The following ZNF85 variants were observed in gnomAD, a reference collection of about 807,000 sequenced individuals.
ZNF85 encodes the protein zinc finger protein 85 (HPF4, HTF1).
ZNF85 carries 50 observed loss-of-function variants against 53.9 expected under a neutral mutation model. The observed-to-expected ratio is 0.93, with a 90% CI of 0.74 to 1.17. The LOEUF (loss-of-function observed/expected upper bound fraction) is 1.17, where lower values mean the gene tolerates loss of function less well. Among genes scored for constraint, ZNF85 ranks in the 50% most tolerant of loss-of-function variants. The pLI, the probability that ZNF85 is intolerant of heterozygous loss-of-function variation, is 0.00. For missense variants in ZNF85, 747 were observed against 688.5 expected, an observed-to-expected ratio of 1.08 and a Z score of -0.95; for synonymous variants, 225 against 226.1, an observed-to-expected ratio of 1.00 and a Z score of 0.04.
chr19:20,942,599 A>G (rs1973323116), intron 3 of ZNF85, among the ~76,000 whole-genome samples: 1 of 152,168 alleles, frequency 6.6e-6, no homozygotes, highest in South Asian at 2.1e-4. Flanking sequence ...TGTAGTTTGT[A>G]TTGACATCTT....
At chr19:20,935,501 A>G (rs1272131151) in intron 3 of ZNF85, among the ~76,000 whole-genome samples, 1 of 152,090 alleles carries the variant, frequency 6.6e-6, no homozygotes, top group Non-Finnish European at 1.5e-5. Flanking sequence ...TCCTGTTTGT[A>G]TTACTACATT....
Position 20,938,850 on chromosome 19 carries a change from ATGTGTG to A in ZNF85, c.229+3825_229+3830del, listed in dbSNP as rs145473574. 2.6e-3 allele frequency among the ~76,000 whole-genome samples: 361 copies of A among 141,088 alleles called. 2 individuals are homozygous for A. The highest frequency in any genetic ancestry group is 8.7e-3 in the African/African-American group (340 of 39,092). 92.6% of individuals were successfully genotyped at this position (141,088 alleles called of 152,430 possible). ...AGAGGCTCTAACCATATTCTGCTATATGTGTGTGTGTGTGTGTGTGTGTGTGTATAT... is the reference window on the plus strand; with the variant it reads ...AGAGGCTCTAACCATATTCTGCTATATGTGTGTGTGTGTGTGTGTGTATAT... On this transcript the variant is annotated intron_variant, in intron 3 of 3. Transcript: ENST00000328178.
chr19:20,923,283 G>A lies in ZNF85; in HGVS notation c.-118G>A. 2.6e-6 allele frequency: 4 copies of A among 1,524,938 alleles called. No individual in the cohort carries two copies. Among genetic ancestry groups the A allele is most frequent in the Non-Finnish European group, 3.6e-6 (4 of 1,104,522 alleles). 94.5% of individuals were successfully genotyped at this position (1,524,938 alleles called of 1,614,324 possible). ...TCTCTCGCTGCAGCCTGAGCTCTAG[G>A]TCTTGTTTTCCCTGCTTTGTGTTTT... On this transcript the variant is annotated 5_prime_UTR_variant, in exon 1 of 4. Transcript: ENST00000328178.
chr19:20,942,245 C>T (rs1041463322), intron 3 of ZNF85, among the ~76,000 whole-genome samples: 3 of 150,336 alleles, frequency 2.0e-5, no homozygotes, highest in African/African-American at 5.0e-5. Flanking sequence ...CGGCTCACTG[C>T]AACCTCTGCC....
chr19:20,946,468 T>C (rs1454505127), intron 3 of ZNF85: 1 of 304,290 alleles, frequency 3.3e-6, no homozygotes, highest in Non-Finnish European at 6.3e-6. Flanking sequence ...AAGTAGGTAT[T>C]GAAATATCCT....
chr19:20,939,968 A>T (rs1249539230), intron 3 of ZNF85, among the ~76,000 whole-genome samples: 1 of 152,078 alleles, frequency 6.6e-6, no homozygotes, highest in African/African-American at 2.4e-5. Flanking sequence ...AAGTGCTGGG[A>T]TTACAGATGT....
rs1225980826 is a variant in ZNF85 at position 20,925,483 on chromosome 19, C to T, written c.3+2080C>T. On this transcript the variant is annotated intron_variant, in intron 1 of 3. Transcript: ENST00000328178. Reference sequence around the variant, plus strand: ...AAAAAAAAAAAAAAGATTGACTTCACCCAACCCAGCTTCTATTTCTTGGAG... The same window carrying T: ...AAAAAAAAAAAAAAGATTGACTTCATCCAACCCAGCTTCTATTTCTTGGAG... 2.0e-5 allele frequency among the ~76,000 whole-genome samples: 3 copies of T among 151,206 alleles called. No individual in the cohort carries two copies. In the East Asian group the frequency reaches 5.8e-4, roughly 29 times the overall value.
At position 20,938,850 on chromosome 19, in the gene ZNF85, ATG is replaced by A. The variant is rs145473574; in HGVS notation, c.229+3829_229+3830del. ...AGAGGCTCTAACCATATTCTGCTAT[ATG>A]TGTGTGTGTGTGTGTGTGTGTGTGT... On this transcript the variant is annotated intron_variant, in intron 3 of 3. Transcript: ENST00000328178. 5.5e-3 allele frequency among the ~76,000 whole-genome samples: 780 copies of A among 141,024 alleles called. 2 individuals are homozygous for A. The highest frequency in any genetic ancestry group is 9.8e-3 in the African/African-American group (384 of 39,068). The allele number at this position is 141,024 out of a possible 152,430, so 92.5% of individuals were successfully genotyped here. A position where few individuals can be genotyped will look rare whatever the true frequency, so the allele number is the denominator to read the frequency against.
chr19:20,929,723 G>A (rs1029491597), intron 1 of ZNF85, among the ~76,000 whole-genome samples: 1 of 152,076 alleles, frequency 6.6e-6, no homozygotes, highest in African/African-American at 2.4e-5. Flanking sequence ...TTCTACATAG[G>A]GTCCTCTCCC....
At chr19:20,933,887 A>T in intron 1 of ZNF85, 137 bp from the exon 2 acceptor site, 1 of 928,720 alleles carries the variant, frequency 1.1e-6, no homozygotes, top group Non-Finnish European at 1.5e-6. Context: ...TAAGTCAGAA[A>T]CAGTTACCTG....
rs575711541 is a variant in ZNF85, at chr19:20,949,556, G to A, written c.1042G>A (p.Gly348Arg). The change falls in exon 4 of 4, where the codon GGA (glycine) becomes AGA (arginine). Residue 348 changes from glycine to arginine, a missense_variant. By Grantham distance (125) the Gly-to-Arg change is moderately radical. Transcript: ENST00000328178. ...GEKPYKCKKC[G>R]KAFNQSAHLT... ...GAAACCCTACAAATGTAAAAAATGT[G>A]GAAAAGCCTTTAACCAGTCTGCACA... 4 of 1,598,220 alleles carry A rather than the reference G, an allele frequency of 2.5e-6. No individual in the cohort carries two copies. The Admixed American group carries it at 6.7e-5, about 27-fold the overall frequency.
In ZNF85 at chr19:20,933,985, GTGTGTGTGTGTGTATGTGTA is replaced by G. The variant is rs1568548049; in HGVS notation, c.4-29_4-10del. The G allele has an allele frequency of 1.1e-5, 15 of 1,408,102 alleles. No homozygotes were observed. Among genetic ancestry groups the G allele is most frequent in the Non-Finnish European group, 1.4e-5 (14 of 1,017,106 alleles). The allele number at this position is 1,408,102 out of a possible 1,614,324, so 87.2% of individuals were successfully genotyped here. ...TGTGTGTGTGTGTGTGTGTGTGTGT[GTGTGTGTGTGTGTATGTGTA>G]TGTGTGTGTATCTTTCAGGGACCAT... On this transcript the variant is annotated intron_variant, in intron 1 of 3. Coordinates refer to ENST00000328178, the MANE Select transcript of ZNF85 (RefSeq NM_003429.5).
chr19:20,947,095 A>G (rs1454566793), intron 3 of ZNF85, among the ~76,000 whole-genome samples: 9 of 151,826 alleles, frequency 5.9e-5, no homozygotes, highest in African/African-American at 1.9e-4. Context: ...ATATCTCTAT[A>G]CAGATTTTTT....
chr19:20,931,551 G>A (rs1482963624), intron 1 of ZNF85, among the ~76,000 whole-genome samples: 1 of 151,898 alleles, frequency 6.6e-6, no homozygotes, highest in Admixed American at 6.6e-5. Context: ...GGTGGCCGCA[G>A]GACTGTTTCT....
intron 1 of ZNF85, among the ~76,000 whole-genome samples, chr19:20,930,512 T>C (rs1972990801): frequency 6.6e-6 from 1 of 152,136 alleles, no homozygotes; most frequent in South Asian, 2.1e-4. Context: ...GCAGGGCTCT[T>C]TATTTAAATC....
chr19:20,949,274 G>A lies in ZNF85; in HGVS notation c.760G>A (p.Gly254Arg), dbSNP rs1364068895. 4 of 1,612,598 alleles carry A rather than the reference G, an allele frequency of 2.5e-6. No individual in the cohort carries two copies. Among genetic ancestry groups the A allele is most frequent in the Admixed American group, 1.7e-5 (1 of 59,978 alleles). ...TATTAAACATAAGAAAATTCATACT[G>A]GAGAGAAACCCTACAAATGTGAAGA... ...NLIKHKKIHT[G>R]EKPYKCEECG... The change falls in exon 4 of 4, where the codon GGA (glycine) becomes AGA (arginine). Residue 254 changes from glycine (G) to arginine (R), a missense_variant. Coordinates refer to ENST00000328178, the MANE Select transcript of ZNF85 (RefSeq NM_003429.5).
chr19:20,926,704 G>A (rs1322320784), intron 1 of ZNF85: 2 of 152,172 alleles, frequency 1.3e-5, no homozygotes, highest in East Asian at 1.9e-4. Context: ...AAGCTCCAAA[G>A]CCTTGGAAAG....
intron 1 of ZNF85, among the ~76,000 whole-genome samples, chr19:20,929,470 C>T (rs1482341208): frequency 6.6e-6 from 1 of 152,124 alleles, no homozygotes; most frequent in Non-Finnish European, 1.5e-5. Context: ...AGGCATGAGC[C>T]ACTGCACCCA....
At chr19:20,938,885 T>G (rs896453741) in intron 3 of ZNF85, among the ~76,000 whole-genome samples, 12 of 144,994 alleles carry the variant, frequency 8.3e-5, no homozygotes, top group Non-Finnish European at 1.7e-4. Context: ...TGTATATATA[T>G]GTGTGTGTGT....
Sources: allele counts gnomAD v4.1 joint callset (sites outside exome capture counted in the v4.1 genomes callset), GRCh38; gene constraint gnomAD v4.1.1; transcripts MANE v1.5; gene names NCBI Gene and HGNC (gene_info 2026-07-23, HGNC 2026-07-21).